Variants in EEF1AKMT4 observed in about 807,000 individuals in gnomAD.
The protein encoded by EEF1AKMT4 is eukaryotic translation elongation factor 1 alpha lysine specific methyltransferase 4.
EEF1AKMT4 carries 17 observed loss-of-function variants against 23.0 expected under a neutral mutation model. That is an observed-to-expected ratio of 0.74 (90% CI 0.51 to 1.11). EEF1AKMT4 has a LOEUF of 1.11. Ranked by LOEUF, EEF1AKMT4 falls within the 50% of genes least tolerant of loss-of-function variation. The pLI, the probability that EEF1AKMT4 is intolerant of heterozygous loss-of-function variation, is 0.00. For missense variants in EEF1AKMT4, 318 were observed against 333.4 expected (o/e 0.95, Z 0.36); for synonymous variants, 140 against 141.4 (o/e 0.99, Z 0.07).
At chr3:184,254,603 C>T (rs1311553026) in intron 1 of EEF1AKMT4, among the ~76,000 whole-genome samples, 1 of 149,620 alleles carries the variant, frequency 6.7e-6, no homozygotes, top group African/African-American at 2.5e-5. Context: ...GTCCCAGCTA[C>T]TCGGGAGGCT....
chr3:184,254,556 A>AG (rs1397393152), intron 1 of EEF1AKMT4, among the ~76,000 whole-genome samples: 1 of 151,516 alleles, frequency 6.6e-6, no homozygotes, highest in African/African-American at 2.4e-5. Context: ...AAAAAAAAAA[A>AG]AAAGAAATTA....
At chr3:184,250,824 C>T (rs912123576) in intron 1 of EEF1AKMT4, among the ~76,000 whole-genome samples, 2 of 152,198 alleles carry the variant, frequency 1.3e-5, no homozygotes, top group African/African-American at 4.8e-5. Flanking sequence ...TGGCTCACGC[C>T]ATTAATCCCA....
chr3:184,251,585 C>T (rs988555370), intron 1 of EEF1AKMT4, among the ~76,000 whole-genome samples: 3 of 152,028 alleles, frequency 2.0e-5, no homozygotes, highest in African/African-American at 7.2e-5. Flanking sequence ...TGCCCATAGT[C>T]CGAGTTACTC....
rs533316685 is a variant in EEF1AKMT4 at position 184,257,845 on chromosome 3, A to G, written c.480+89A>G. On this transcript the variant is annotated intron_variant, in intron 2 of 2. Transcript: ENST00000324557. ...GGACTGGAAGAAATCAGAAGCCAGA[A>G]GCATGTTTTGGAGCAAGTAGTGGGT... 2,063 of 1,503,430 alleles carry G rather than the reference A, an allele frequency of 1.4e-3. 46 individuals are homozygous for G. The South Asian group carries it at 0.025, about 18-fold the overall frequency. The allele number at this position is 1,503,430 out of a possible 1,614,324, so 93.1% of individuals were successfully genotyped here. A position where few individuals can be genotyped will look rare whatever the true frequency, so the allele number is the denominator to read the frequency against.
In EEF1AKMT4 at chr3:184,258,501, C is replaced by G; in HGVS notation, c.694C>G (p.Pro232Ala). The change falls in exon 3 of 3, where the codon CCC becomes GCC. Residue 232 changes from proline to alanine, a missense_variant. Transcript: ENST00000324557. ...LALGAQILSP[P>A]RPPTSPCFLQ... The stretch of plus-strand genomic sequence containing the variant: ...TCTGGGGGCCCAAATCCTCTCACCC[C>G]CCAGACCTCCCACCTCACCTTGCTT... The G allele has an allele frequency of 6.2e-7, 1 of 1,613,416 alleles. No individual in the cohort carries two copies. Among genetic ancestry groups the G allele is most frequent in the East Asian group, 2.2e-5 (1 of 44,864 alleles).
chr3:184,254,746 G>C (rs1230944131), intron 1 of EEF1AKMT4, among the ~76,000 whole-genome samples: 4 of 151,986 alleles, frequency 2.6e-5, no homozygotes, highest in African/African-American at 7.2e-5. Flanking sequence ...AAAGAGAAAA[G>C]GGACTGGCCA....
rs138100456 is a variant in EEF1AKMT4 at position 184,251,889 on chromosome 3, A to T, written c.196+1999A>T. 1.6e-3 allele frequency among the ~76,000 whole-genome samples: 245 copies of T among 152,326 alleles called. 2 individuals are homozygous for T. The highest frequency in any genetic ancestry group is 0.013 in the Admixed American group (198 of 15,294). ...TATTTATTAATTGGGCTTTAAGTTGATTAAATGAGCATGAAGGATACCTAG... is the reference window on the plus strand; with the variant it reads ...TATTTATTAATTGGGCTTTAAGTTGTTTAAATGAGCATGAAGGATACCTAG... On this transcript the variant is annotated intron_variant, in intron 1 of 2. Transcript: ENST00000324557.
At chr3:184,255,278 A>C (rs1323335605) in intron 1 of EEF1AKMT4, among the ~76,000 whole-genome samples, 2 of 152,202 alleles carry the variant, frequency 1.3e-5, no homozygotes, top group African/African-American at 4.8e-5. Context: ...TGCTGTATCT[A>C]TCATGGCTTT....
In EEF1AKMT4 at chr3:184,258,317, G is replaced by A; in HGVS notation, c.510G>A (p.Arg170=). 4 of 1,613,180 alleles carry A rather than the reference G, an allele frequency of 2.5e-6. No homozygotes were observed. Among genetic ancestry groups the A allele is most frequent in the East Asian group, 2.2e-5 (1 of 44,874 alleles). The change falls in exon 3 of 3, where the codon CGG becomes CGA. Residue 170 remains arginine, a synonymous_variant. Transcript: ENST00000324557. ...EVSRVLVPGG[R]FISMTSAAPH... ...GCCGCGTGCTTGTCCCTGGAGGCCG[G>A]TTTATCTCAATGACTTCTGCTGCCC...
rs144675861 is a variant in EEF1AKMT4 at position 184,253,330 on chromosome 3, T to G, written c.196+3440T>G. On this transcript the variant is annotated intron_variant, in intron 1 of 2. Coordinates refer to ENST00000324557, the MANE Select transcript of EEF1AKMT4 (RefSeq NM_032331.4). ...ACACTGACAGTGTCCACTACTGTCA[T>G]GCAGCAAGGAAGTGGTAAAGTAAGG... is the stretch of plus-strand genomic sequence containing the variant. Among the ~76,000 whole-genome samples, 396 of 152,292 alleles carry G rather than the reference T, an allele frequency of 2.6e-3. 3 individuals are homozygous for G. The highest frequency in any genetic ancestry group is 8.7e-3 in the African/African-American group (360 of 41,554).
chr3:184,253,038 C>T (rs1055492174), intron 1 of EEF1AKMT4, among the ~76,000 whole-genome samples: 2 of 151,262 alleles, frequency 1.3e-5, no homozygotes, highest in African/African-American at 2.4e-5. Flanking sequence ...CTGCATTTGG[C>T]AACCCCTGCA....
At position 184,253,116 on chromosome 3, in the gene EEF1AKMT4, T is replaced by A. The variant is rs184835461; in HGVS notation, c.196+3226T>A. 3.1e-3 allele frequency among the ~76,000 whole-genome samples: 472 copies of A among 152,246 alleles called. 5 individuals are homozygous for A. Among genetic ancestry groups the A allele is most frequent in the East Asian group, 2.1e-3 (11 of 5,182 alleles). ...TGAGGATTCATGTCCAAGTTACTTG[T>A]CAAGAATGTGCTCCCAGGAGAATTG... On this transcript the variant is annotated intron_variant, in intron 1 of 2. Transcript: ENST00000324557.
Position 184,257,505 on chromosome 3 carries a change from T to A in EEF1AKMT4, c.229T>A (p.Phe77Ile), listed in dbSNP as rs747249565. 1 of 1,610,608 alleles carries A rather than the reference T, an allele frequency of 6.2e-7. No individual in the cohort carries two copies. Among genetic ancestry groups the A allele is most frequent in the Admixed American group, 1.7e-5 (1 of 59,982 alleles). Residue 77 changes from phenylalanine (F) to isoleucine (I), a missense_variant, in exon 2 of 3, where the codon TTC (phenylalanine) becomes ATC (isoleucine). Phe to Ile is a conservative substitution (Grantham distance 21). Transcript: ENST00000324557. ...CGNSALSYEL[F>I]LGGFPNVTSV... ...GAACAGTGCCCTGAGCTACGAGCTG[T>A]TCCTCGGAGGCTTCCCTAATGTGAC...
chr3:184,252,434 A>G (rs906947047), intron 1 of EEF1AKMT4, among the ~76,000 whole-genome samples: 3 of 152,226 alleles, frequency 2.0e-5, no homozygotes, highest in African/African-American at 7.2e-5. Context: ...TAAGAGCCAG[A>G]GAATGTGCTG....
At chr3:184,253,396 T>G (rs1036118267) in intron 1 of EEF1AKMT4, among the ~76,000 whole-genome samples, 1 of 152,240 alleles carries the variant, frequency 6.6e-6, no homozygotes, top group African/African-American at 2.4e-5. Flanking sequence ...GGGAGGCATC[T>G]GGAACTCTTA....
chr3:184,249,709 G>A lies in EEF1AKMT4; in HGVS notation c.15G>A (p.Gly5=), dbSNP rs1288728938. 6.2e-7 allele frequency: 1 copy of A among 1,608,366 alleles called. No individual in the cohort carries two copies. Among genetic ancestry groups the A allele is most frequent in the Non-Finnish European group, 8.5e-7 (1 of 1,176,770 alleles). MASP[G]AGRAPPELPE... is the part of the protein sequence containing the mutation. The stretch of plus-strand genomic sequence containing the variant: ...CGGTTGAGAGCATGGCCTCTCCAGG[G>A]GCAGGTAGGGCGCCTCCGGAGTTAC... Residue 5 remains glycine, a synonymous_variant, in exon 1 of 3, where the codon GGG becomes GGA. Coordinates refer to ENST00000324557, the MANE Select transcript of EEF1AKMT4 (RefSeq NM_032331.4).
intron 1 of EEF1AKMT4, among the ~76,000 whole-genome samples, chr3:184,250,259 C>T (rs1577111937): frequency 1.3e-5 from 2 of 152,332 alleles, no homozygotes; most frequent in African/African-American, 4.8e-5. Context: ...CCGTTCTGAG[C>T]TTTAGATTCA....
chr3:184,249,847 C>G lies in EEF1AKMT4; in HGVS notation c.153C>G (p.Leu51=). ...GGGACTTCTCCTCCTTCCGTGCCCT[C>G]CTAGAGCCGGAGCTGCGGCCCGAGG... ...WFGDFSSFRA[L]LEPELRPEDR... is the part of the protein sequence containing the mutation. Residue 51 remains leucine (L), a synonymous_variant, in exon 1 of 3, where the codon CTC becomes CTG. Coordinates refer to ENST00000324557, the MANE Select transcript of EEF1AKMT4 (RefSeq NM_032331.4). The G allele has an allele frequency of 6.2e-7, 1 of 1,613,072 alleles. No homozygotes were observed. Among genetic ancestry groups the G allele is most frequent in the Non-Finnish European group, 8.5e-7 (1 of 1,179,894 alleles).
At chr3:184,257,401 G>A in intron 1 of EEF1AKMT4, 72 bp from the exon 2 acceptor site, 5 of 1,471,814 alleles carry the variant, frequency 3.4e-6, no homozygotes, top group Non-Finnish European at 4.6e-6. Flanking sequence ...GCCAAGAGTG[G>A]ATGGATATTC....
Sources: allele counts gnomAD v4.1 joint callset (sites outside exome capture counted in the v4.1 genomes callset), GRCh38; gene constraint gnomAD v4.1.1; transcripts MANE v1.5; gene names NCBI Gene and HGNC (gene_info 2026-07-23, HGNC 2026-07-21).